The following WDR11 variants were observed in gnomAD, a reference collection of about 807,000 sequenced individuals.
WDR11 encodes WD repeat-containing protein 11.
WDR11 carries 83 observed loss-of-function variants against 151.2 expected under a neutral mutation model. That is an observed-to-expected ratio of 0.55 (90% CI 0.46 to 0.66). The LOEUF is 0.66. WDR11 is among the 30% of genes least tolerant of loss of function. WDR11 has a pLI of 0.00. For synonymous variants in WDR11, 484 were observed against 533.1 expected, an observed-to-expected ratio of 0.91 and a Z score of 1.27; for missense variants, 1,301 against 1,480.9, an observed-to-expected ratio of 0.88 and a Z score of 1.99.
intron 9 of WDR11, among the ~76,000 whole-genome samples, chr10:120,867,795 A>C (rs1846367117): frequency 6.6e-6 from 1 of 152,232 alleles, no homozygotes; most frequent in African/African-American, 2.4e-5. Flanking sequence ...TATTTACTGA[A>C]GGAATAAAGT....
intron 2 of WDR11, among the ~76,000 whole-genome samples, chr10:120,854,450 C>T (rs984645977): frequency 1.3e-5 from 2 of 152,126 alleles, no homozygotes; most frequent in African/African-American, 4.8e-5. Flanking sequence ...TTGCCTGTTA[C>T]GAATAATGCT....
chr10:120,853,555 G>C (rs1332347030), intron 2 of WDR11, among the ~76,000 whole-genome samples: 2 of 152,112 alleles, frequency 1.3e-5, no homozygotes, highest in Admixed American at 1.3e-4. Context: ...GTGAGTCACC[G>C]CGCCCAGCAG....
At chr10:120,874,986 C>A (rs1025285189) in intron 11 of WDR11, among the ~76,000 whole-genome samples, 3 of 151,872 alleles carry the variant, frequency 2.0e-5, no homozygotes, top group African/African-American at 7.3e-5. Flanking sequence ...CCCCGATAGG[C>A]CCCAGTGTGT....
intron 21 of WDR11, among the ~76,000 whole-genome samples, chr10:120,901,994 G>T (rs1847839025): frequency 6.6e-6 from 1 of 152,186 alleles, no homozygotes; most frequent in Non-Finnish European, 1.5e-5. Context: ...TTCAAAAACT[G>T]TTGTAAGCCT....
At chr10:120,867,563 C>A (rs1455792010) in intron 9 of WDR11, among the ~76,000 whole-genome samples, 1 of 152,216 alleles carries the variant, frequency 6.6e-6, no homozygotes, top group Non-Finnish European at 1.5e-5. Flanking sequence ...ACTCCTAATT[C>A]AAAATTCAAC....
chr10:120,893,002 G>GT lies in WDR11; in HGVS notation c.2515+2127dup, dbSNP rs540832008. On this transcript the variant is annotated intron_variant, in intron 19 of 28. Transcript: ENST00000263461. Reference sequence around the variant, plus strand: ...TGTTCAACCTAATTTCCTCCCCAGTGTTTTTTTTTTTTAATTTTATTATTA... The same window carrying GT: ...TGTTCAACCTAATTTCCTCCCCAGTGTTTTTTTTTTTTTAATTTTATTATTA... 2.7e-3 allele frequency among the ~76,000 whole-genome samples: 380 copies of GT among 142,610 alleles called. 1 individual carries two copies. The highest frequency in any genetic ancestry group is 7.3e-3 in the African/African-American group (286 of 39,044). 93.6% of individuals were successfully genotyped at this position (142,610 alleles called of 152,430 possible). A position where few individuals can be genotyped will look rare whatever the true frequency, so the allele number is the denominator to read the frequency against.
intron 2 of WDR11, among the ~76,000 whole-genome samples, chr10:120,856,568 CTG>C (rs1845953563): frequency 9.5e-6 from 1 of 105,794 alleles, no homozygotes; most frequent in Non-Finnish European, 1.8e-5. Context: ...GAATAAGACT[CTG>C]TCTCCAAAAA....
At chr10:120,874,193 G>GT (rs1554854855) in intron 11 of WDR11, among the ~76,000 whole-genome samples, 4 of 75,332 alleles carry the variant, frequency 5.3e-5, no homozygotes, top group African/African-American at 1.8e-4. Context: ...TTTTTTTTTT[G>GT]TTGTTGTTGT....
At chr10:120,882,905 A>G (rs1247159780) in intron 13 of WDR11, among the ~76,000 whole-genome samples, 1 of 152,132 alleles carries the variant, frequency 6.6e-6, no homozygotes, top group African/African-American at 2.4e-5. Flanking sequence ...ATAGAAACTT[A>G]GATAATTGAA....
chr10:120,860,876 T>C (rs1003955088), intron 4 of WDR11, among the ~76,000 whole-genome samples: 1 of 152,242 alleles, frequency 6.6e-6, no homozygotes, highest in Non-Finnish European at 1.5e-5. Flanking sequence ...CAGATATTTC[T>C]TGAGCTATTG....
chr10:120,896,208 A>G (rs1404093022), intron 19 of WDR11, among the ~76,000 whole-genome samples: 1 of 152,200 alleles, frequency 6.6e-6, no homozygotes, highest in African/African-American at 2.4e-5. Context: ...AAGAGCACGT[A>G]TAGCCTGCTT....
chr10:120,874,199 G>GTTTTTTTTTT (rs1564703291), intron 11 of WDR11, among the ~76,000 whole-genome samples: 1 of 68,982 alleles, frequency 1.4e-5, no homozygotes, highest in Non-Finnish European at 3.1e-5. Flanking sequence ...TTTTGTTGTT[G>GTTTTTTTTTT]TTGTTGTTGT....
At chr10:120,883,928 T>G in intron 14 of WDR11, 40 bp downstream of exon 14, 18 of 1,482,844 alleles carry the variant, frequency 1.2e-5, no homozygotes, top group Non-Finnish European at 1.6e-5. Context: ...TATTTAGGTA[T>G]ATATGTATGT....
chr10:120,890,244 C>G (rs1373452465), intron 18 of WDR11, among the ~76,000 whole-genome samples: 3 of 151,864 alleles, frequency 2.0e-5, no homozygotes, highest in Non-Finnish European at 4.4e-5. Flanking sequence ...TGGAGTTTCA[C>G]TCTTGTCGCC....
chr10:120,906,756 TGTTTTGTTC>T lies in WDR11; in HGVS notation c.3438-19_3438-11del, dbSNP rs958755121. The T allele has an allele frequency of 6.2e-7, 1 of 1,614,036 alleles. No homozygotes were observed. Among genetic ancestry groups the T allele is most frequent in the African/African-American group, 1.3e-5 (1 of 74,970 alleles). On this transcript the variant is annotated splice_polypyrimidine_tract_variant and intron_variant, in intron 27 of 28. Transcript: ENST00000263461. ...GATGTAAATCACAAAGCATAACTCT[TGTTTTGTTC>T]TGTTGAGCAGCATGAGATACTTTGA...
At position 120,908,949 on chromosome 10, in the gene WDR11, ATAT is replaced by A; in HGVS notation, c.*238_*240del. The A allele has an allele frequency of 1.8e-6, 1 of 551,912 alleles. No individual in the cohort carries two copies. Among genetic ancestry groups the A allele is most frequent in the Non-Finnish European group, 3.2e-6 (1 of 308,802 alleles). 34.2% of individuals were successfully genotyped at this position (551,912 alleles called of 1,614,324 possible). A position where few individuals can be genotyped will look rare whatever the true frequency, so the allele number is the denominator to read the frequency against. On this transcript the variant is annotated 3_prime_UTR_variant, in exon 29 of 29. Coordinates refer to ENST00000263461, the MANE Select transcript of WDR11 (RefSeq NM_018117.12). ...ATGCTTAAGATTTTGAAAGTACATAATATTTTATACTTTGGGAGAGAGCTTTAA... is the reference window on the plus strand; with the variant it reads ...ATGCTTAAGATTTTGAAAGTACATAATTTATACTTTGGGAGAGAGCTTTAA...
At position 120,851,404 on chromosome 10, in the gene WDR11, C is replaced by G; in HGVS notation, c.-17C>G. The G allele has an allele frequency of 6.2e-7, 1 of 1,604,318 alleles. No individual in the cohort carries two copies. The highest frequency in any genetic ancestry group is 1.1e-5 in the South Asian group (1 of 89,108). On this transcript the variant is annotated 5_prime_UTR_variant, in exon 1 of 29. Transcript: ENST00000263461. ...CTGGTTGCGGGTCAGCGCCCAGGTCCTGGGCTGGCCGCCGGGATGTTGCCC... is the reference window on the plus strand; with the variant it reads ...CTGGTTGCGGGTCAGCGCCCAGGTCGTGGGCTGGCCGCCGGGATGTTGCCC...
At position 120,885,836 on chromosome 10, in the gene WDR11, T is replaced by C; in HGVS notation, c.1871T>C (p.Leu624Ser). The C allele has an allele frequency of 6.2e-7, 1 of 1,613,690 alleles. No homozygotes were observed. ...TALEWSPSHN[L>S]KSLRKKQLAT... ...CAGGAGTGGTCACCATCTCACAACT[T>C]GAAGAGCCTGAGAAAGAAGCAACTT... The change falls in exon 15 of 29, where the codon TTG becomes TCG. Residue 624 changes from leucine (L) to serine (S), a missense_variant. By Grantham distance (145) the Leu-to-Ser change is moderately radical. Transcript: ENST00000263461.
intron 19 of WDR11, among the ~76,000 whole-genome samples, chr10:120,895,682 C>T (rs1418601859): frequency 6.6e-6 from 1 of 152,076 alleles, no homozygotes; most frequent in East Asian, 1.9e-4. Context: ...TGAAATGATA[C>T]TCAACTTTAT....
Sources: gnomAD v4.1 joint callset for allele counts (sites outside exome capture counted in the v4.1 genomes callset) on GRCh38, gnomAD v4.1.1 for gene constraint, MANE v1.5 for transcripts, NCBI Gene and HGNC (gene_info 2026-07-23, HGNC 2026-07-21) for gene names.